The following CPA4 variants were observed in gnomAD, a reference collection of about 807,000 sequenced individuals.
CPA4 encodes the protein carboxypeptidase A4.
In CPA4, 49 loss-of-function variants were observed where a neutral mutation model predicts 54.7. That is an observed-to-expected ratio of 0.90 (90% CI 0.71 to 1.14). The LOEUF is 1.14. CPA4 is among the 50% of genes most tolerant of loss of function. CPA4 has a pLI of 0.00. For missense variants in CPA4, 487 were observed against 525.1 expected, an observed-to-expected ratio of 0.93 and a Z score of 0.71; for synonymous variants, 215 against 206.8, an observed-to-expected ratio of 1.04 and a Z score of -0.34.
In CPA4 at chr7:130,295,105, C is replaced by G. The variant is rs548920590; in HGVS notation, c.68+1857C>G. Among the ~76,000 whole-genome samples the G allele has an allele frequency of 9.2e-5, 14 of 152,348 alleles. No individual in the cohort carries two copies. In the South Asian group the frequency reaches 2.9e-3, roughly 32 times the overall value. On this transcript the variant is annotated intron_variant, in intron 1 of 10. Transcript: ENST00000222482. ...CAGAGAACAGGAACCAGTTGCAGAG[C>G]TGGTTACAGCATCAACAGTAGCTGG...
At chr7:130,301,074 AAC>A (rs1303547553) in intron 4 of CPA4, among the ~76,000 whole-genome samples, 160 bp downstream of exon 4, 5 of 152,154 alleles carry the variant, frequency 3.3e-5, no homozygotes, top group Non-Finnish European at 7.3e-5. Context: ...TGGATTGCTG[AAC>A]TCCTACCAGC....
intron 10 of CPA4, among the ~76,000 whole-genome samples, chr7:130,312,579 A>C (rs1185788838): frequency 6.6e-6 from 1 of 152,182 alleles, no homozygotes; most frequent in Admixed American, 6.5e-5. Context: ...TGCTGTTCTC[A>C]TGATAGTGAG....
At chr7:130,298,853 G>C (rs1434908505) in intron 2 of CPA4, 26 bp downstream of exon 2, 1 of 1,391,670 alleles carries the variant, frequency 7.2e-7, no homozygotes, top group Admixed American at 1.7e-5. Flanking sequence ...TAGCTCTCCT[G>C]AGTGTTTTCT....
At chr7:130,302,515 A>C (rs746274534) in intron 4 of CPA4, among the ~76,000 whole-genome samples, 54 of 150,062 alleles carry the variant, frequency 3.6e-4, no homozygotes, top group Admixed American at 3.5e-3. Flanking sequence ...AAGAGCGCTC[A>C]TATTGGCTCA....
chr7:130,302,448 C>T (rs892500152), intron 4 of CPA4, among the ~76,000 whole-genome samples: 18 of 150,916 alleles, frequency 1.2e-4, no homozygotes, highest in Admixed American at 8.6e-4. Flanking sequence ...AAGATTGCAC[C>T]ACTGCACTCC....
At chr7:130,306,929 A>T (rs1487977707) in intron 7 of CPA4, 32 bp downstream of exon 7, 2 of 1,175,172 alleles carry the variant, frequency 1.7e-6, no homozygotes, top group Non-Finnish European at 1.3e-6. Context: ...GGGCTTGCAG[A>T]CTGTTGAATT....
chr7:130,308,930 T>C (rs1451014268), intron 8 of CPA4, among the ~76,000 whole-genome samples: 1 of 148,492 alleles, frequency 6.7e-6, no homozygotes, highest in Admixed American at 6.7e-5. Flanking sequence ...TCACTCTCAC[T>C]GCAACCTCCG....
Position 130,300,245 on chromosome 7 carries a change from C to A in CPA4, c.286-571C>A, listed in dbSNP as rs932615841. 5.3e-5 allele frequency among the ~76,000 whole-genome samples: 8 copies of A among 151,986 alleles called. No homozygotes were observed. The South Asian group carries it at 1.7e-3, about 32-fold the overall frequency. ...CGGGCTGATGTCTACAGAGTTCATACTATAGGATAGCCAAAGAGCGCATAT... is the reference window on the plus strand; with the variant it reads ...CGGGCTGATGTCTACAGAGTTCATAATATAGGATAGCCAAAGAGCGCATAT... On this transcript the variant is annotated intron_variant, in intron 3 of 10. Transcript: ENST00000222482.
At chr7:130,299,159 C>G (rs1793700730) in intron 2 of CPA4, 111 bp from the exon 3 acceptor site, 1 of 1,186,136 alleles carries the variant, frequency 8.4e-7, no homozygotes, top group African/African-American at 1.5e-5. Flanking sequence ...TTGGGCAGAG[C>G]CTAGCCTCTC....
intron 3 of CPA4, 31 bp from the exon 4 acceptor site, chr7:130,300,785 A>C (rs376012078): frequency 6.8e-7 from 1 of 1,471,696 alleles, no homozygotes; most frequent in Non-Finnish European, 9.5e-7. Context: ...TCTGCAATGG[A>C]TCACTTCACA....
In CPA4 at chr7:130,308,850, C is replaced by CTTTTTTTTTTTTTTTTTTTTTTTT. The variant is rs1249548992; in HGVS notation, c.793+468_793+469insTTTTTTTTTTTTTTTTTTTTTTTT. ...ATAGCCGTAAGCCACCTAGCCCAGCCTTTTTTTTTTTTTTTGAGACAGAGT... is the reference window on the plus strand; with the variant it reads ...ATAGCCGTAAGCCACCTAGCCCAGCCTTTTTTTTTTTTTTTTTTTTTTTTTTTTTTTTTTTTTTTGAGACAGAGT... On this transcript the variant is annotated intron_variant, in intron 8 of 10. Coordinates refer to ENST00000222482, the MANE Select transcript of CPA4 (RefSeq NM_016352.4). 1.8e-4 allele frequency among the ~76,000 whole-genome samples: 22 copies of CTTTTTTTTTTTTTTTTTTTTTTTT among 120,278 alleles called. 1 individual carries two copies. The highest frequency in any genetic ancestry group is 2.5e-4 in the Non-Finnish European group (15 of 59,106). The allele number at this position is 120,278 out of a possible 152,430, so 78.9% of individuals were successfully genotyped here.
chr7:130,303,393 T>C (rs919828043), intron 4 of CPA4, among the ~76,000 whole-genome samples: 1 of 152,224 alleles, frequency 6.6e-6, no homozygotes, highest in African/African-American at 2.4e-5. Flanking sequence ...GATAGTCCAC[T>C]GGGATGAAGG....
rs1794146217 is a variant in CPA4 at position 130,323,133 on chromosome 7, A to G, written c.*457A>G. 6.5e-6 allele frequency: 1 copy of G among 154,014 alleles called. No homozygotes were observed. The highest frequency in any genetic ancestry group is 1.4e-5 in the Non-Finnish European group (1 of 69,318). 9.5% of individuals were successfully genotyped at this position (154,014 alleles called of 1,614,324 possible). On this transcript the variant is annotated 3_prime_UTR_variant, in exon 11 of 11. Transcript: ENST00000222482. ...TCAAAGATGATGTAGAATTTCCTTT[A>G]ATTTCTCGCAGTCTTCCTGGAAAAT...
intron 10 of CPA4, among the ~76,000 whole-genome samples, chr7:130,319,663 G>A (rs1794055507): frequency 6.6e-6 from 1 of 152,172 alleles, no homozygotes; most frequent in Non-Finnish European, 1.5e-5. Context: ...GAGGTGGGAG[G>A]CAGATATTAC....
chr7:130,309,352 G>C (rs890545737), intron 8 of CPA4, among the ~76,000 whole-genome samples: 5 of 152,202 alleles, frequency 3.3e-5, no homozygotes, highest in African/African-American at 7.2e-5. Flanking sequence ...GTTGTGAGCA[G>C]GCGGAAGGAC....
At chr7:130,307,746 C>T (rs1160493135) in intron 7 of CPA4, among the ~76,000 whole-genome samples, 1 of 152,116 alleles carries the variant, frequency 6.6e-6, no homozygotes, top group Non-Finnish European at 1.5e-5. Context: ...TCTACAGCAG[C>T]TCCCACACAC....
intron 1 of CPA4, among the ~76,000 whole-genome samples, chr7:130,293,703 G>A (rs1793606279): frequency 6.6e-6 from 1 of 152,150 alleles, no homozygotes; most frequent in Non-Finnish European, 1.5e-5. Flanking sequence ...TGTTAATGGC[G>A]AAGGCTTTGC....
chr7:130,314,725 GA>G (rs2117158328), intron 10 of CPA4, among the ~76,000 whole-genome samples: 1 of 152,308 alleles, frequency 6.6e-6, no homozygotes, highest in South Asian at 2.1e-4. Context: ...TAAAGTCCTG[GA>G]AAGTTCCTCG....
chr7:130,312,671 G>A (rs1793933103), intron 10 of CPA4, among the ~76,000 whole-genome samples: 2 of 152,102 alleles, frequency 1.3e-5, no homozygotes, highest in African/African-American at 2.4e-5. Context: ...AAAGAAAGAG[G>A]AAAGAAACAC....
Sources: gnomAD v4.1 joint callset for allele counts (sites outside exome capture counted in the v4.1 genomes callset) on GRCh38, gnomAD v4.1.1 for gene constraint, MANE v1.5 for transcripts, NCBI Gene and HGNC (gene_info 2026-07-23, HGNC 2026-07-21) for gene names.